Variants in TM9SF2 observed in about 807,000 individuals in gnomAD.
The protein encoded by TM9SF2 is 76 kDa membrane protein.
A neutral mutation model predicts 84.9 loss-of-function variants in TM9SF2; 13 were observed. That is an observed-to-expected ratio of 0.15 (90% CI 0.10 to 0.24). TM9SF2 has a LOEUF of 0.24. Ranked by LOEUF, TM9SF2 falls within the 10% of genes least tolerant of loss-of-function variation. The pLI, the probability that TM9SF2 is intolerant of heterozygous loss-of-function variation, is 1.00. For synonymous variants in TM9SF2, 273 were observed against 285.8 expected, an observed-to-expected ratio of 0.96 and a Z score of 0.45; for missense variants, 562 against 818.5, an observed-to-expected ratio of 0.69 and a Z score of 3.82.
intron 13 of TM9SF2, among the ~76,000 whole-genome samples, chr13:99,553,948 T>G (rs186654994): frequency 6.6e-6 from 1 of 152,360 alleles, no homozygotes; most frequent in East Asian, 1.9e-4. Context: ...CCAGCTGATT[T>G]CTTACAGTAC....
chr13:99,539,566 G>T lies in TM9SF2; in HGVS notation c.828+9G>T, dbSNP rs768011182. On this transcript the variant is annotated intron_variant, in intron 7 of 16. Transcript: ENST00000376387. ...ACTCTGTTAGCTTCGAGGTGAGTCT[G>T]TTGTTATCTTTAGTATAACTCTGAA... 2.0e-6 allele frequency: 3 copies of T among 1,502,310 alleles called. No homozygotes were observed. The highest frequency in any genetic ancestry group is 2.8e-6 in the Non-Finnish European group (3 of 1,078,510). The allele number at this position is 1,502,310 out of a possible 1,614,324, so 93.1% of individuals were successfully genotyped here. A position where few individuals can be genotyped will look rare whatever the true frequency, so the allele number is the denominator to read the frequency against.
intron 5 of TM9SF2, among the ~76,000 whole-genome samples, chr13:99,537,089 A>G (rs578218604): frequency 2.4e-4 from 36 of 152,222 alleles, no homozygotes; most frequent in African/African-American, 7.7e-4. Context: ...TTTGTATTGC[A>G]GAAGTCAGAT....
chr13:99,501,909 CT>C, intron 1 of TM9SF2, 132 bp downstream of exon 1: 1 of 1,275,642 alleles, frequency 7.8e-7, no homozygotes, highest in Non-Finnish European at 1.1e-6. Context: ...TCCCCAGAAG[CT>C]TTTGGGGTCT....
chr13:99,501,617 G>A lies in TM9SF2; in HGVS notation c.11G>A (p.Arg4Lys). Residue 4 changes from arginine (R) to lysine (K), a missense_variant, in exon 1 of 17, where the codon AGG becomes AAG. Physicochemically the swap from Arg to Lys is conservative, Grantham distance 26 (BLOSUM62 2). Around this residue, in one of 4 missense-constraint regions of TM9SF2, gnomAD observed 267 missense variants for 316.7 expected, o/e 0.84. Transcript: ENST00000376387. ...CCCGAAACAACTATCATGAGCGCGA[G>A]GCTGCCGGTGTTGTCTCCACCTCGG... MSA[R>K]LPVLSPPRWP... 1 of 1,612,478 alleles carries A rather than the reference G, an allele frequency of 6.2e-7. No individual in the cohort carries two copies. Among genetic ancestry groups the A allele is most frequent in the Non-Finnish European group, 8.5e-7 (1 of 1,179,294 alleles).
chr13:99,549,022 CATATT>C (rs1302155428), intron 11 of TM9SF2, 138 bp from the exon 12 acceptor site: 23 of 601,782 alleles, frequency 3.8e-5, no homozygotes, highest in Non-Finnish European at 6.6e-5. Flanking sequence ...AAAGGAATAT[CATATT>C]ATATTTGCTA....
intron 2 of TM9SF2, among the ~76,000 whole-genome samples, chr13:99,519,781 A>G (rs1487846554): frequency 1.3e-5 from 2 of 152,264 alleles, no homozygotes; most frequent in Non-Finnish European, 2.9e-5. Flanking sequence ...TAATGAGTCA[A>G]TTAAAAGATA....
intron 2 of TM9SF2, among the ~76,000 whole-genome samples, chr13:99,519,293 GTTTT>G (rs759941780): frequency 3.6e-5 from 5 of 138,882 alleles, no homozygotes; most frequent in Non-Finnish European, 6.3e-5. Flanking sequence ...CCCAGCCCCA[GTTTT>G]TTTTTTTTTT....
Position 99,562,910 on chromosome 13 carries a change from C to T in TM9SF2, c.*152C>T, listed in dbSNP as rs989481011. ...TCTAAATAAACCTCTTCCCATACAC[C>T]TTTCCCCCATAAGATGTGTCTTCAA... On this transcript the variant is annotated 3_prime_UTR_variant, in exon 17 of 17. Transcript: ENST00000376387. The T allele has an allele frequency of 1.3e-5, 8 of 627,422 alleles. No homozygotes were observed. In the African/African-American group the frequency reaches 1.3e-4, roughly 10 times the overall value. 38.9% of individuals were successfully genotyped at this position (627,422 alleles called of 1,614,324 possible). A position where few individuals can be genotyped will look rare whatever the true frequency, so the allele number is the denominator to read the frequency against.
chr13:99,533,402 A>G (rs892726494), intron 4 of TM9SF2, among the ~76,000 whole-genome samples: 1 of 152,218 alleles, frequency 6.6e-6, no homozygotes, highest in African/African-American at 2.4e-5. Flanking sequence ...TTTTAAAATA[A>G]TGCAACTAAA....
intron 1 of TM9SF2, among the ~76,000 whole-genome samples, chr13:99,512,921 T>C (rs1427066347): frequency 6.6e-6 from 1 of 152,208 alleles, no homozygotes; most frequent in African/African-American, 2.4e-5. Flanking sequence ...TGAAATACTT[T>C]AATTTGCTAG....
intron 4 of TM9SF2, among the ~76,000 whole-genome samples, chr13:99,531,920 T>TA (rs1394483477): frequency 5.3e-5 from 8 of 152,190 alleles, no homozygotes; most frequent in African/African-American, 9.7e-5. Flanking sequence ...TTTTTCTTTG[T>TA]AATCTTCAAA....
At chr13:99,505,340 A>T (rs2046084456) in intron 1 of TM9SF2, among the ~76,000 whole-genome samples, 1 of 152,014 alleles carries the variant, frequency 6.6e-6, no homozygotes, top group African/African-American at 2.4e-5. Context: ...TTTAGTAGAG[A>T]TGGGGTTTCA....
chr13:99,509,599 G>A (rs2046104569), intron 1 of TM9SF2, among the ~76,000 whole-genome samples: 1 of 152,230 alleles, frequency 6.6e-6, no homozygotes, highest in African/African-American at 2.4e-5. Flanking sequence ...AGCCATGGCT[G>A]GAGCTGGAGT....
chr13:99,539,251 T>C (rs2046247889), intron 6 of TM9SF2, among the ~76,000 whole-genome samples, 195 bp from the exon 7 acceptor site: 1 of 152,112 alleles, frequency 6.6e-6, no homozygotes, highest in African/African-American at 2.4e-5. Flanking sequence ...TAAATGCTCT[T>C]CAAGTATAGT....
At chr13:99,508,417 A>ACC (rs1252726618) in intron 1 of TM9SF2, among the ~76,000 whole-genome samples, 1 of 150,954 alleles carries the variant, frequency 6.6e-6, no homozygotes, top group Non-Finnish European at 1.5e-5. Context: ...ACACACACAC[A>ACC]CACACACACA....
At chr13:99,552,736 T>C (rs1297352752) in intron 13 of TM9SF2, among the ~76,000 whole-genome samples, 2 of 152,218 alleles carry the variant, frequency 1.3e-5, no homozygotes, top group African/African-American at 4.8e-5. Context: ...CCCGAGTAGC[T>C]GGGATTACAG....
chr13:99,531,465 C>T (rs1452270874), intron 4 of TM9SF2, among the ~76,000 whole-genome samples: 1 of 152,110 alleles, frequency 6.6e-6, no homozygotes, highest in Non-Finnish European at 1.5e-5. Context: ...GCATTCCCTC[C>T]TACCCCTTAG....
Position 99,562,799 on chromosome 13 carries a change from C to T in TM9SF2, c.*41C>T, listed in dbSNP as rs990603365. 3 of 1,588,700 alleles carry T rather than the reference C, an allele frequency of 1.9e-6. No individual in the cohort carries two copies. The highest frequency in any genetic ancestry group is 2.6e-6 in the Non-Finnish European group (3 of 1,163,966). ...CCAGTTAAAACAGAAATAAATTAAA[C>T]TCTTCATCAACAAAGACCTGTTTTT... is the stretch of plus-strand genomic sequence containing the variant. On this transcript the variant is annotated 3_prime_UTR_variant, in exon 17 of 17. Coordinates refer to ENST00000376387, the MANE Select transcript of TM9SF2 (RefSeq NM_004800.3).
intron 16 of TM9SF2, among the ~76,000 whole-genome samples, chr13:99,561,823 G>GA (rs947996759): frequency 6.6e-6 from 1 of 152,162 alleles, no homozygotes; most frequent in Non-Finnish European, 1.5e-5. Context: ...CTTGAAGTCA[G>GA]AAAAAACGCA....
Sources: gnomAD v4.1 joint callset for allele counts (sites outside exome capture counted in the v4.1 genomes callset) on GRCh38, gnomAD v4.1.1 for gene constraint, gnomAD v4.1.1 regional missense constraint, MANE v1.5 for transcripts, NCBI Gene and HGNC (gene_info 2026-07-23, HGNC 2026-07-21) for gene names.